ZSCAN30: variants seen among roughly 807,000 people sequenced by gnomAD.
The protein encoded by ZSCAN30 is zinc finger and SCAN domain-containing protein 30.
A neutral mutation model predicts 44.3 loss-of-function variants in ZSCAN30; 37 were observed. The observed-to-expected ratio is 0.84, with a 90% CI of 0.64 to 1.10. The LOEUF (loss-of-function observed/expected upper bound fraction) is 1.10, where lower values mean the gene tolerates loss of function less well. ZSCAN30 is among the 50% of genes least tolerant of loss of function. The pLI, the probability that ZSCAN30 is intolerant of heterozygous loss-of-function variation, is 0.00. For missense variants in ZSCAN30, 549 were observed against 582.6 expected (o/e 0.94, Z 0.59); for synonymous variants, 181 against 204.6 (o/e 0.88, Z 0.98).
At chr18:35,264,955 G>C (rs2044114257) in intron 1 of ZSCAN30, among the ~76,000 whole-genome samples, 1 of 152,028 alleles carries the variant, frequency 6.6e-6, no homozygotes, top group African/African-American at 2.4e-5. Flanking sequence ...GACCATCCTG[G>C]CTAACATGGT....
chr18:35,264,462 G>C lies in ZSCAN30; in HGVS notation c.-103-7C>G. ...CCAACTCCCCAGGACGCTCCTGAGG[G>C]TGGACAATGCTCATGTTACACAGGG... is the stretch of plus-strand genomic sequence containing the variant. On this transcript the variant is annotated splice_polypyrimidine_tract_variant and splice_region_variant and intron_variant, in intron 1 of 3. Coordinates refer to ENST00000333206, the MANE Select transcript of ZSCAN30 (RefSeq NM_001112734.4). The C allele has an allele frequency of 9.0e-7, 1 of 1,112,356 alleles. No homozygotes were observed. The highest frequency in any genetic ancestry group is 1.3e-6 in the Non-Finnish European group (1 of 790,958). 68.9% of individuals were successfully genotyped at this position (1,112,356 alleles called of 1,614,324 possible). A position where few individuals can be genotyped will look rare whatever the true frequency, so the allele number is the denominator to read the frequency against.
intron 1 of ZSCAN30, chr18:35,268,333 T>C (rs1490718553): frequency 1.3e-5 from 2 of 152,104 alleles, no homozygotes; most frequent in African/African-American, 2.4e-5. Context: ...CTGTACCGTA[T>C]AGAGTGGATT....
rs1365767826 is a variant in ZSCAN30, at chr18:35,263,527, G to T, written c.539C>A (p.Ala180Asp). ...QCKTETQESQ[A>D]FQERDGRMVA... The stretch of plus-strand genomic sequence containing the variant: ...GGGCTTCTCACCTCTCTCCTGGAAA[G>T]CCTGGGACTCCTGAGTCTCAGTCTT... The change falls in exon 3 of 4, where the codon GCT (alanine) becomes GAT (aspartate). Residue 180 changes from alanine (A) to aspartate (D), a missense_variant. Transcript: ENST00000333206. The T allele has an allele frequency of 6.2e-7, 1 of 1,614,202 alleles. No homozygotes were observed. The highest frequency in any genetic ancestry group is 8.5e-7 in the Non-Finnish European group (1 of 1,180,038).
chr18:35,280,108 C>T (rs915050131), intron 1 of ZSCAN30, among the ~76,000 whole-genome samples: 2 of 151,856 alleles, frequency 1.3e-5, no homozygotes, highest in Admixed American at 6.6e-5. Context: ...AACCCTGACT[C>T]TACAAAAAAA....
At chr18:35,266,008 G>A (rs1400711162) in intron 1 of ZSCAN30, among the ~76,000 whole-genome samples, 1 of 152,194 alleles carries the variant, frequency 6.6e-6, no homozygotes, top group Non-Finnish European at 1.5e-5. Context: ...GGGTATGAGA[G>A]AATGTGGCCC....
rs866994323 is a variant in ZSCAN30 at position 35,251,186 on chromosome 18, T to C, written c.*2264A>G. On this transcript the variant is annotated 3_prime_UTR_variant, in exon 4 of 4. Coordinates refer to ENST00000333206, the MANE Select transcript of ZSCAN30 (RefSeq NM_001112734.4). ...TAAACAGTAGTTTTACTAAAAATAC[T>C]AGGATTGGGAAAAATAAACACTAAT... The C allele has an allele frequency of 6.6e-6, 1 of 152,194 alleles. No individual in the cohort carries two copies. The highest frequency in any genetic ancestry group is 6.5e-5 in the Admixed American group (1 of 15,274). The allele number at this position is 152,194 out of a possible 1,614,324, so 9.4% of individuals were successfully genotyped here. A position where few individuals can be genotyped will look rare whatever the true frequency, so the allele number is the denominator to read the frequency against.
chr18:35,254,288 G>A lies in ZSCAN30; in HGVS notation c.647C>T (p.Pro216Leu). Residue 216 changes from proline to leucine, a missense_variant, in exon 4 of 4, where the codon CCT becomes CTT. Pro to Leu is a moderately conservative substitution (Grantham distance 98). Transcript: ENST00000333206. ...SAAMISPGKL[P>L]GETHSQRIAE... ...TATCCGTTGGGAATGTGTTTCTCCAGGAAGTTTTCCCGGCGATATCATAGC... is the reference window on the plus strand; with the variant it reads ...TATCCGTTGGGAATGTGTTTCTCCAAGAAGTTTTCCCGGCGATATCATAGC... The A allele has an allele frequency of 6.2e-7, 1 of 1,614,082 alleles. No homozygotes were observed. The highest frequency in any genetic ancestry group is 8.5e-7 in the Non-Finnish European group (1 of 1,179,972).
chr18:35,253,638 TTTGATGTTCAA>T lies in ZSCAN30; in HGVS notation c.1286_1296del (p.Ile429LysfsTer10). ...TAAGGTTTCTCTCCAGTGTGAATTC[TTTGATGTTCAA>T]TAAGGATAGAACTCCTACCAAAAGC... On this transcript the variant is annotated frameshift_variant, in exon 4 of 4. Coordinates refer to ENST00000333206, the MANE Select transcript of ZSCAN30 (RefSeq NM_001112734.4). LOFTEE classifies it high-confidence loss of function. 6.2e-7 allele frequency: 1 copy of T among 1,614,224 alleles called. No individual in the cohort carries two copies. The highest frequency in any genetic ancestry group is 8.5e-7 in the Non-Finnish European group (1 of 1,180,028).
intron 1 of ZSCAN30, chr18:35,289,430 G>GCCCT (rs2044614267): frequency 2.0e-5 from 3 of 152,178 alleles, no homozygotes; most frequent in Non-Finnish European, 4.4e-5. Flanking sequence ...GGGACAGGAA[G>GCCCT]CCCTCTTCCT....
intron 1 of ZSCAN30, chr18:35,268,266 A>T (rs908441576): frequency 2.6e-4 from 40 of 152,440 alleles, no homozygotes; most frequent in African/African-American, 9.6e-4. Flanking sequence ...AATGCATTGA[A>T]TCATCAGTGC....
At chr18:35,287,413 G>A (rs2044570297) in intron 1 of ZSCAN30, among the ~76,000 whole-genome samples, 1 of 151,952 alleles carries the variant, frequency 6.6e-6, no homozygotes, top group Admixed American at 6.6e-5. Context: ...TATAAAGCTA[G>A]AGTAATTAAG....
chr18:35,267,867 A>C (rs1234122623), intron 1 of ZSCAN30: 2 of 152,004 alleles, frequency 1.3e-5, no homozygotes, highest in South Asian at 2.1e-4. Context: ...AGAGGAGCTG[A>C]CCACGCTCAC....
intron 1 of ZSCAN30, among the ~76,000 whole-genome samples, chr18:35,280,275 CA>C (rs34002141): frequency 0.74 from 90,502 of 122,258 alleles, 32,193 homozygotes; most frequent in Non-Finnish European, 0.78. Context: ...TACTTTGTCT[CA>C]AAAAAAAAAA....
Position 35,274,347 on chromosome 18 carries a change from C to T in ZSCAN30, c.-103-9892G>A, listed in dbSNP as rs376029096. ...CCACCGTGCCCGGCCGAAGGTACTC[C>T]TCTTCTAGAGAGAATCATTGTTTGC... On this transcript the variant is annotated intron_variant, in intron 1 of 3. Coordinates refer to ENST00000333206, the MANE Select transcript of ZSCAN30 (RefSeq NM_001112734.4). Among the ~76,000 whole-genome samples, 42 of 152,264 alleles carry T rather than the reference C, an allele frequency of 2.8e-4. No homozygotes were observed. In the Middle Eastern group the frequency reaches 0.014, roughly 49 times the overall value.
At chr18:35,263,884 T>C (rs1165434098) in intron 2 of ZSCAN30, 61 bp downstream of exon 2, 2 of 1,554,468 alleles carry the variant, frequency 1.3e-6, no homozygotes, top group East Asian at 2.3e-5. Context: ...GCCCCAGTCA[T>C]AATTATGGCT....
chr18:35,258,900 AAG>A (rs2043938364), intron 3 of ZSCAN30: 6 of 152,578 alleles, frequency 3.9e-5, no homozygotes, highest in Non-Finnish European at 7.3e-5. Context: ...AAAAAAAAAA[AAG>A]GTCAAAGTGC....
chr18:35,285,287 A>AAACC (rs1569085726), intron 1 of ZSCAN30: 4 of 151,694 alleles, frequency 2.6e-5, no homozygotes, highest in Non-Finnish European at 4.4e-5. Flanking sequence ...GAGAATAGAC[A>AAACC]AAACCACAAT....
intron 1 of ZSCAN30, among the ~76,000 whole-genome samples, chr18:35,276,148 T>A (rs1289475071): frequency 6.6e-6 from 1 of 152,352 alleles, no homozygotes; most frequent in South Asian, 2.1e-4. Context: ...CAAAGTAATA[T>A]TAGCCTCATG....
chr18:35,257,504 G>A (rs1027546984), intron 3 of ZSCAN30: 6 of 202,528 alleles, frequency 3.0e-5, no homozygotes, highest in East Asian at 1.4e-4. Flanking sequence ...CTTCCACCAC[G>A]TGAGGACACA....
Sources: gnomAD v4.1 joint callset for allele counts (sites outside exome capture counted in the v4.1 genomes callset) on GRCh38, gnomAD v4.1.1 for gene constraint, MANE v1.5 for transcripts, NCBI Gene and HGNC (gene_info 2026-07-23, HGNC 2026-07-21) for gene names.